The following CTBP2 variants were observed in gnomAD, a reference collection of about 807,000 sequenced individuals.
The protein encoded by CTBP2 is C-terminal-binding protein 2.
Under a neutral mutation model 80.3 loss-of-function variants are expected in CTBP2, and 30 were observed. That is an observed-to-expected ratio of 0.37 (90% CI 0.28 to 0.51). The LOEUF is 0.51. CTBP2 is among the 20% of genes least tolerant of loss of function. The probability of loss-of-function intolerance (pLI) is 0.93; values close to 1 mark genes in which losing one functional copy is unlikely to be tolerated. For synonymous variants in CTBP2, 594 were observed against 587.4 expected (o/e 1.01, Z -0.16); for missense variants, 1,212 against 1,375.3 (o/e 0.88, Z 1.88).
At chr10:125,110,351 C>G (rs11814706) in intron 2 of CTBP2, among the ~76,000 whole-genome samples, 1 of 152,008 alleles carries the variant, frequency 6.6e-6, no homozygotes, top group East Asian at 1.9e-4. Flanking sequence ...AAAGACATGC[C>G]GAAATGAAAC....
intron 2 of CTBP2, among the ~76,000 whole-genome samples, chr10:125,079,378 A>G (rs554976956): frequency 3.3e-5 from 5 of 152,246 alleles, no homozygotes; most frequent in Admixed American, 3.3e-4. Flanking sequence ...ATGCTACAGA[A>G]TATTCACCAC....
intron 3 of CTBP2, among the ~76,000 whole-genome samples, chr10:125,001,891 A>G (rs1355229049): frequency 1.3e-5 from 2 of 152,216 alleles, no homozygotes; most frequent in East Asian, 3.9e-4. Flanking sequence ...GCTGGAGCCC[A>G]TGGGGGTGGC....
rs112626868 is a variant in CTBP2 at position 125,056,717 on chromosome 10, T to A, written c.-101-17562A>T. ...TCAGGTCAGATGACAGTCTGCACTCTTAGTCGAGGGATGTTGGCTACAGAA... is the reference window on the plus strand; with the variant it reads ...TCAGGTCAGATGACAGTCTGCACTCATAGTCGAGGGATGTTGGCTACAGAA... On this transcript the variant is annotated intron_variant, in intron 2 of 10. Coordinates refer to the CTBP2 transcript ENST00000337195. Among the ~76,000 whole-genome samples the A allele has an allele frequency of 9.2e-5, 14 of 152,320 alleles. 2 individuals carry two copies. Among genetic ancestry groups the A allele is most frequent in the African/African-American group, 3.4e-4 (14 of 41,574 alleles).
chr10:125,018,480 ACT>A (rs971155424), intron 1 of CTBP2, among the ~76,000 whole-genome samples: 1 of 151,300 alleles, frequency 6.6e-6, no homozygotes, highest in Admixed American at 6.6e-5. Context: ...ACAGAGCAAG[ACT>A]CTGTCTCAAA....
chr10:125,031,096 C>T (rs948224433), upstream of CTBP2, among the ~76,000 whole-genome samples: 2 of 152,200 alleles, frequency 1.3e-5, no homozygotes, highest in Non-Finnish European at 2.9e-5. Context: ...AAAAATCGGC[C>T]TATGGCATAC....
At chr10:125,062,749 C>T (rs2135365711) in intron 2 of CTBP2, among the ~76,000 whole-genome samples, 1 of 152,336 alleles carries the variant, frequency 6.6e-6, no homozygotes, top group East Asian at 1.9e-4. Flanking sequence ...GTAATCCCAG[C>T]TACTCAGGAG....
upstream of CTBP2, among the ~76,000 whole-genome samples, chr10:125,033,025 C>A (rs758646859): frequency 6.6e-6 from 1 of 152,238 alleles, no homozygotes; most frequent in African/African-American, 2.4e-5. Flanking sequence ...GTCAGCCTTT[C>A]TTAGGATACG....
intron 3 of CTBP2, among the ~76,000 whole-genome samples, chr10:125,002,091 T>C (rs936403244): frequency 5.9e-5 from 9 of 152,158 alleles, no homozygotes; most frequent in African/African-American, 1.9e-4. Flanking sequence ...GAAGAGCTGT[T>C]CCAAGGCCAG....
At chr10:125,094,721 GC>G (rs1033318804) in intron 2 of CTBP2, among the ~76,000 whole-genome samples, 19 of 152,158 alleles carry the variant, frequency 1.2e-4, no homozygotes, top group Non-Finnish European at 2.5e-4. Flanking sequence ...GCACAGGACA[GC>G]CCCCCACAAT....
intron 2 of CTBP2, among the ~76,000 whole-genome samples, chr10:125,056,723 G>C (rs761327181): frequency 2.0e-5 from 3 of 152,324 alleles, no homozygotes; most frequent in Non-Finnish European, 4.4e-5. Flanking sequence ...ACTCTTAGTC[G>C]AGGGATGTTG....
chr10:125,141,567 C>T (rs1857821259), intron 1 of CTBP2, among the ~76,000 whole-genome samples: 1 of 152,130 alleles, frequency 6.6e-6, no homozygotes, highest in Admixed American at 6.5e-5. Flanking sequence ...CCCAGACCAC[C>T]CAGAAGTCAC....
At position 125,027,267 on chromosome 10, in the gene CTBP2, A is replaced by ACAGGTGACCGGCGTCCTGCAGGG. The variant is rs771372169; in HGVS notation, c.470_492dup (p.Tyr165ProfsTer16). ...ATCATTTTACCTCCAGGATCCCGGT[A>ACAGGTGACCGGCGTCCTGCAGGG]CAGGTGACCGGCGTCCTGCAGGGCA... is the stretch of plus-strand genomic sequence containing the variant. On this transcript the variant is annotated frameshift_variant, in exon 1 of 9. Transcript: ENST00000309035. LOFTEE classifies it high-confidence loss of function. The ACAGGTGACCGGCGTCCTGCAGGG allele has an allele frequency of 9.9e-6, 16 of 1,613,706 alleles. No homozygotes were observed. The East Asian group carries it at 3.1e-4, about 31-fold the overall frequency.
intron 2 of CTBP2, among the ~76,000 whole-genome samples, chr10:125,099,652 T>C (rs1049067489): frequency 9.9e-5 from 15 of 152,126 alleles, no homozygotes; most frequent in African/African-American, 3.6e-4. Flanking sequence ...AGCTCTTGAG[T>C]TGTCAAAAAC....
At chr10:125,124,071 C>T (rs1297240921) in intron 1 of CTBP2, among the ~76,000 whole-genome samples, 4 of 152,310 alleles carry the variant, frequency 2.6e-5, no homozygotes, top group Admixed American at 6.5e-5. Context: ...CACAGTTGTA[C>T]GCTGGGCTGG....
intron 1 of CTBP2, chr10:125,160,102 G>A (rs990657643): frequency 6.7e-6 from 1 of 148,914 alleles, no homozygotes; most frequent in Non-Finnish European, 1.5e-5. Context: ...GGACCCCCGA[G>A]CCAGCGTCCA....
intron 1 of CTBP2, among the ~76,000 whole-genome samples, chr10:125,139,667 C>G (rs923124451): frequency 6.6e-6 from 1 of 152,192 alleles, no homozygotes; most frequent in African/African-American, 2.4e-5. Flanking sequence ...TCTCAACTCA[C>G]TTCCCTCCAA....
intron 8 of CTBP2, 54 bp downstream of exon 10, chr10:124,992,641 G>T: frequency 7.4e-7 from 1 of 1,352,492 alleles, no homozygotes; most frequent in Non-Finnish European, 1.0e-6. Flanking sequence ...TTCTCTCCCT[G>T]GCCCCGGGGC....
intron 2 of CTBP2, among the ~76,000 whole-genome samples, chr10:125,058,976 C>T (rs772327672): frequency 1.3e-5 from 2 of 152,182 alleles, no homozygotes; most frequent in Non-Finnish European, 2.9e-5. Flanking sequence ...AAAAGCACAT[C>T]CCCACGGTCA....
intron 1 of CTBP2, among the ~76,000 whole-genome samples, chr10:125,118,846 A>G (rs548437649): frequency 6.6e-6 from 1 of 152,202 alleles, no homozygotes; most frequent in African/African-American, 2.4e-5. Flanking sequence ...ACTCAGAAGC[A>G]CTTGAAGGTA....
Sources: gnomAD v4.1 joint callset for allele counts (sites outside exome capture counted in the v4.1 genomes callset) on GRCh38, gnomAD v4.1.1 for gene constraint, MANE v1.5 for transcripts, NCBI Gene and HGNC (gene_info 2026-07-23, HGNC 2026-07-21) for gene names.